The following PTTG1IP2 variants were observed in gnomAD, a reference collection of about 807,000 sequenced individuals.
PTTG1IP2 encodes PTTG1IP family member 2.
chr7:90,513,085 A>G (rs1263588167), intron 6 of PTTG1IP2, among the ~76,000 whole-genome samples, 193 bp from the exon 7 acceptor site: 2 of 152,246 alleles, frequency 1.3e-5, no homozygotes, highest in Non-Finnish European at 2.9e-5. Flanking sequence ...ACTCTGGTGT[A>G]TGTGGCTAAT....
At chr7:90,507,163 G>A (rs80069753) in intron 6 of PTTG1IP2, among the ~76,000 whole-genome samples, 1 of 152,208 alleles carries the variant, frequency 6.6e-6, no homozygotes, top group African/African-American at 2.4e-5. Flanking sequence ...AAGACAAAAG[G>A]TGATCAAAAT....
At chr7:90,512,475 G>C (rs1456141393) in intron 6 of PTTG1IP2, among the ~76,000 whole-genome samples, 1 of 152,180 alleles carries the variant, frequency 6.6e-6, no homozygotes, top group African/African-American at 2.4e-5. Context: ...CCGGGTGGAG[G>C]CTCCAAGGAG....
chr7:90,512,964 T>G (rs1251502216), intron 6 of PTTG1IP2, among the ~76,000 whole-genome samples: 1 of 152,320 alleles, frequency 6.6e-6, no homozygotes, highest in East Asian at 1.9e-4. Flanking sequence ...CTAACCTTAG[T>G]GCAGGGTGAG....
chr7:90,470,700 C>T (rs934852990), intron 1 of PTTG1IP2, among the ~76,000 whole-genome samples: 26 of 152,216 alleles, frequency 1.7e-4, no homozygotes, highest in African/African-American at 5.3e-4. Context: ...AGGGTTGGGG[C>T]GACGCTGAAT....
chr7:90,499,614 T>G lies in PTTG1IP2; in HGVS notation c.*50+5184T>G, dbSNP rs377057790. 3.3e-5 allele frequency among the ~76,000 whole-genome samples: 5 copies of G among 152,190 alleles called. No individual in the cohort carries two copies. In the East Asian group the frequency reaches 7.8e-4, roughly 24 times the overall value. On this transcript the variant is annotated intron_variant, in intron 6 of 6. Coordinates refer to ENST00000509356, the MANE Select transcript of PTTG1IP2 (RefSeq NM_001365443.2). Reference sequence around the variant, plus strand: ...TTTTTATTTTTTTGAGACAGAGTCTTGCTCTGTTGCTGAGGCTGGAGTGCA... The same window carrying G: ...TTTTTATTTTTTTGAGACAGAGTCTGGCTCTGTTGCTGAGGCTGGAGTGCA...
intron 3 of PTTG1IP2, among the ~76,000 whole-genome samples, chr7:90,487,927 T>C (rs1211029510): frequency 6.6e-6 from 1 of 152,176 alleles, no homozygotes; most frequent in African/African-American, 2.4e-5. Context: ...CTATAACTTA[T>C]ATTTTTTCAG....
chr7:90,487,887 T>C (rs1435396509), intron 3 of PTTG1IP2, among the ~76,000 whole-genome samples: 1 of 152,160 alleles, frequency 6.6e-6, no homozygotes, highest in Non-Finnish European at 1.5e-5. Context: ...CTAGTCCTGG[T>C]CTGAGGATAT....
chr7:90,476,099 A>T (rs539228803), intron 1 of PTTG1IP2, among the ~76,000 whole-genome samples: 1 of 140,612 alleles, frequency 7.1e-6, no homozygotes, highest in South Asian at 2.4e-4. Context: ...TTTATCATTC[A>T]CAGACATCTG....
chr7:90,504,055 ACCTGTAAT>A (rs1213041538), intron 6 of PTTG1IP2, among the ~76,000 whole-genome samples: 1 of 152,060 alleles, frequency 6.6e-6, no homozygotes, highest in African/African-American at 2.4e-5. Flanking sequence ...GGTGGCTCAA[ACCTGTAAT>A]CCCAGCATTT....
At chr7:90,510,192 C>T (rs1798171073) in intron 6 of PTTG1IP2, among the ~76,000 whole-genome samples, 1 of 152,144 alleles carries the variant, frequency 6.6e-6, no homozygotes, top group South Asian at 2.1e-4. Context: ...CCTAAATTGG[C>T]TTTCCCTCAA....
chr7:90,512,763 A>G (rs889076296), intron 6 of PTTG1IP2, among the ~76,000 whole-genome samples: 1 of 152,348 alleles, frequency 6.6e-6, no homozygotes, highest in African/African-American at 2.4e-5. Flanking sequence ...TGCACTGGGG[A>G]ATAAGAAAAA....
At chr7:90,493,079 T>A (rs1187299015) in intron 5 of PTTG1IP2, among the ~76,000 whole-genome samples, 1 of 152,170 alleles carries the variant, frequency 6.6e-6, no homozygotes, top group African/African-American at 2.4e-5. Flanking sequence ...TTTTACATCA[T>A]GATAATATGA....
intron 1 of PTTG1IP2, among the ~76,000 whole-genome samples, chr7:90,472,319 CA>C (rs762778434): frequency 6.1e-5 from 6 of 98,180 alleles, no homozygotes; most frequent in Middle Eastern, 4.9e-3. Flanking sequence ...CACACACACA[CA>C]CCCCAAATAA....
intron 2 of PTTG1IP2, among the ~76,000 whole-genome samples, chr7:90,482,088 T>C (rs1236048929): frequency 6.6e-6 from 1 of 152,158 alleles, no homozygotes; most frequent in Non-Finnish European, 1.5e-5. Context: ...TATTATCCTT[T>C]GGAGAAAGAT....
intron 1 of PTTG1IP2, among the ~76,000 whole-genome samples, chr7:90,474,918 G>A (rs930347810): frequency 6.6e-5 from 10 of 152,162 alleles, no homozygotes; most frequent in Non-Finnish European, 1.2e-4. Context: ...GGACTAACAA[G>A]ATTCCAAAGG....
chr7:90,497,800 C>T (rs1798013967), intron 6 of PTTG1IP2, among the ~76,000 whole-genome samples: 3 of 147,486 alleles, frequency 2.0e-5, no homozygotes, highest in Non-Finnish European at 4.5e-5. Context: ...TGGATAGAAC[C>T]CTGTGGATAT....
intron 2 of PTTG1IP2, among the ~76,000 whole-genome samples, chr7:90,482,961 T>G (rs1241476546): frequency 2.0e-5 from 3 of 152,192 alleles, no homozygotes; most frequent in East Asian, 1.9e-4. Context: ...ATTACTCAGA[T>G]GCTTGTAAAA....
intron 6 of PTTG1IP2, among the ~76,000 whole-genome samples, chr7:90,497,444 G>A (rs1412048390): frequency 6.6e-6 from 1 of 151,558 alleles, no homozygotes; most frequent in South Asian, 2.1e-4. Context: ...GGCGCCTGTA[G>A]TCCCAGCTAC....
chr7:90,485,724 C>T (rs1349243410), intron 2 of PTTG1IP2, among the ~76,000 whole-genome samples: 1 of 152,174 alleles, frequency 6.6e-6, no homozygotes, highest in African/African-American at 2.4e-5. Flanking sequence ...GCCTGCACTT[C>T]TTTAGGAGCT....
Sources: gnomAD v4.1 joint callset for allele counts (sites outside exome capture counted in the v4.1 genomes callset) on GRCh38, gnomAD v4.1.1 for gene constraint, MANE v1.5 for transcripts, NCBI Gene and HGNC (gene_info 2026-07-23, HGNC 2026-07-21) for gene names.